Variants in TMEM18 observed in about 807,000 individuals in gnomAD.
TMEM18 encodes transmembrane protein 18.
A neutral mutation model predicts 17.4 loss-of-function variants in TMEM18; 14 were observed. That is an observed-to-expected ratio of 0.80 (90% CI 0.53 to 1.25). The LOEUF is 1.25. Among genes scored for constraint, TMEM18 ranks in the 50% most tolerant of loss-of-function variants. TMEM18 has a pLI of 0.00. For synonymous variants in TMEM18, 86 were observed against 66.1 expected (o/e 1.30, Z -1.46); for missense variants, 187 against 172.1 (o/e 1.09, Z -0.48).
chr2:677,375 C>G lies in TMEM18; in HGVS notation c.-30G>C. 1 of 1,607,484 alleles carries G rather than the reference C, an allele frequency of 6.2e-7. No homozygotes were observed. The highest frequency in any genetic ancestry group is 8.5e-7 in the Non-Finnish European group (1 of 1,178,188). The stretch of plus-strand genomic sequence containing the variant: ...TTGGGAAGCCCGCTCTCACAGCAAC[C>G]GCCGAACCCGGCCTGGCCAGAATCC... On this transcript the variant is annotated 5_prime_UTR_variant, in exon 1 of 5. Transcript: ENST00000281017.
intron 2 of TMEM18, 146 bp from the exon 3 acceptor site, chr2:673,008 G>C: frequency 1.3e-6 from 1 of 758,544 alleles, no homozygotes; most frequent in Non-Finnish European, 2.0e-6. Context: ...ACATTGTCAA[G>C]TCGTAGGACT....
rs117221352 is a variant in TMEM18 at position 672,457 on chromosome 2, C to A, written c.233+351G>T. The stretch of plus-strand genomic sequence containing the variant: ...GTCCAGACTCCCCATGGAGCAGCCA[C>A]CCTGCAGTCCAAGGGGGAGGGCATG... On this transcript the variant is annotated intron_variant, in intron 3 of 4. Transcript: ENST00000281017. Among the ~76,000 whole-genome samples, 59 of 152,320 alleles carry A rather than the reference C, an allele frequency of 3.9e-4. 1 individual carries two copies. The East Asian group carries it at 0.011, about 29-fold the overall frequency.
intron 3 of TMEM18, among the ~76,000 whole-genome samples, chr2:671,261 G>A (rs1295038061): frequency 2.0e-5 from 3 of 152,206 alleles, no homozygotes; most frequent in African/African-American, 7.2e-5. Context: ...CCAGAAAGGT[G>A]CTGCACCCTG....
At position 667,006 on chromosome 2, in the gene TMEM18, C is replaced by T. The variant is rs796873613; in HGVS notation, c.*2574G>A. Among the ~76,000 whole-genome samples, 4 of 112,734 alleles carry T rather than the reference C, an allele frequency of 3.5e-5. No individual in the cohort carries two copies. Among genetic ancestry groups the T allele is most frequent in the African/African-American group, 1.3e-4 (4 of 30,442 alleles). 74.0% of individuals were successfully genotyped at this position (112,734 alleles called of 152,430 possible). A position where few individuals can be genotyped will look rare whatever the true frequency, so the allele number is the denominator to read the frequency against. The stretch of plus-strand genomic sequence containing the variant: ...TGAAGCTCCTTACCCTGAATTCCAC[C>T]CCCAGCCCTTTTTTTTTTTTTTTAA... On this transcript the variant is annotated 3_prime_UTR_variant, in exon 5 of 5. Transcript: ENST00000281017.
rs1003632656 is a variant in TMEM18 at position 665,794 on chromosome 2, C to T, written c.*3786G>A. ...ACAACAGGACCCAGAGATGCAGATG[C>T]CCCACTCACTCAGATGCAGCATCAA... On this transcript the variant is annotated 3_prime_UTR_variant, in exon 5 of 5. Coordinates refer to ENST00000281017, the MANE Select transcript of TMEM18 (RefSeq NM_152834.4). Among the ~76,000 whole-genome samples the T allele has an allele frequency of 7.2e-5, 11 of 151,882 alleles. No individual in the cohort carries two copies. The East Asian group carries it at 1.8e-3, about 24-fold the overall frequency.
Position 666,820 on chromosome 2 carries a change from C to T in TMEM18, c.*2760G>A, listed in dbSNP as rs1678704445. Among the ~76,000 whole-genome samples the T allele has an allele frequency of 6.6e-6, 1 of 152,116 alleles. No individual in the cohort carries two copies. Among genetic ancestry groups the T allele is most frequent in the Admixed American group, 6.5e-5 (1 of 15,280 alleles). On this transcript the variant is annotated 3_prime_UTR_variant, in exon 5 of 5. Transcript: ENST00000281017. ...AAAGAGGGGAAGGCTGCACTGAAAACATGTTCTGGTTAACTTGGTGAAAGA... is the reference window on the plus strand; with the variant it reads ...AAAGAGGGGAAGGCTGCACTGAAAATATGTTCTGGTTAACTTGGTGAAAGA...
intron 2 of TMEM18, 32 bp downstream of exon 2, chr2:675,478 C>A: frequency 6.2e-7 from 1 of 1,613,986 alleles, no homozygotes; most frequent in Non-Finnish European, 8.5e-7. Flanking sequence ...ACACAGTGAT[C>A]TGAGTTGTGG....
chr2:676,905 C>A, intron 1 of TMEM18: 1 of 574,186 alleles, frequency 1.7e-6, no homozygotes, highest in South Asian at 2.1e-5. Flanking sequence ...CAGCCACGCC[C>A]GCACGGTGCA....
At chr2:672,124 A>G (rs1436662885) in intron 3 of TMEM18, among the ~76,000 whole-genome samples, 1 of 152,204 alleles carries the variant, frequency 6.6e-6, no homozygotes, top group Non-Finnish European at 1.5e-5. Context: ...CCACAAGGCC[A>G]CAGTCTCAGC....
chr2:677,175 G>C (rs1369814876), intron 1 of TMEM18, 114 bp downstream of exon 1: 1 of 1,375,076 alleles, frequency 7.3e-7, no homozygotes, highest in Admixed American at 2.0e-5. Context: ...TCCGCCACAA[G>C]GCCCCGCCCA....
In TMEM18 at chr2:663,887, A is replaced by C. The variant is rs558794679; in HGVS notation, c.*5693T>G. Among the ~76,000 whole-genome samples the C allele has an allele frequency of 6.6e-6, 1 of 152,342 alleles. No individual in the cohort carries two copies. Among genetic ancestry groups the C allele is most frequent in the Non-Finnish European group, 1.5e-5 (1 of 68,038 alleles). The stretch of plus-strand genomic sequence containing the variant: ...ACTTACAGAGAAGAATTTAAAGAGC[A>C]AAAAAGCCAACATGAGTAACTTTAT... On this transcript the variant is annotated 3_prime_UTR_variant, in exon 5 of 5. Transcript: ENST00000281017.
At chr2:675,732 C>T (rs536235717) in intron 1 of TMEM18, 102 bp from the exon 2 acceptor site, 1 of 1,541,694 alleles carries the variant, frequency 6.5e-7, no homozygotes, top group Non-Finnish European at 8.7e-7. Context: ...GGGCCTCTCA[C>T]TCCTGAGTCC....
intron 1 of TMEM18, chr2:676,738 C>T: frequency 1.7e-6 from 2 of 1,178,662 alleles, no homozygotes; most frequent in Admixed American, 2.3e-5. Flanking sequence ...AGCGTTCCTC[C>T]GTGCCACCCC....
rs1022080126 is a variant in TMEM18 at position 667,930 on chromosome 2, G to A, written c.*1650C>T. The A allele has an allele frequency of 6.6e-6, 1 of 152,160 alleles. No individual in the cohort carries two copies. Among genetic ancestry groups the A allele is most frequent in the Non-Finnish European group, 1.5e-5 (1 of 68,034 alleles). 9.4% of individuals were successfully genotyped at this position (152,160 alleles called of 1,614,324 possible). A position where few individuals can be genotyped will look rare whatever the true frequency, so the allele number is the denominator to read the frequency against. ...CAAATAACATATAGATGTTTAATTA[G>A]TCTGTTCTCACACTGCTATAAAGAT... On this transcript the variant is annotated 3_prime_UTR_variant, in exon 5 of 5. Coordinates refer to ENST00000281017, the MANE Select transcript of TMEM18 (RefSeq NM_152834.4).
chr2:672,462 C>T (rs1325530811), intron 3 of TMEM18, among the ~76,000 whole-genome samples: 2 of 152,192 alleles, frequency 1.3e-5, no homozygotes, highest in East Asian at 3.9e-4. Context: ...AGCCACCCTG[C>T]AGTCCAAGGG....
In TMEM18 at chr2:665,474, C is replaced by T. The variant is rs982555183; in HGVS notation, c.*4106G>A. Among the ~76,000 whole-genome samples, 4 of 149,810 alleles carry T rather than the reference C, an allele frequency of 2.7e-5. No individual in the cohort carries two copies. The highest frequency in any genetic ancestry group is 7.2e-3 in the Middle Eastern group (2 of 278). ...TCCACTCACTCAGATAGAGAATCAA[C>T]TCCACATACAACAGGACCCAGAGAT... On this transcript the variant is annotated 3_prime_UTR_variant, in exon 5 of 5. Transcript: ENST00000281017.
At chr2:673,624 G>C (rs1351921208) in intron 2 of TMEM18, among the ~76,000 whole-genome samples, 1 of 152,106 alleles carries the variant, frequency 6.6e-6, no homozygotes, top group Non-Finnish European at 1.5e-5. Context: ...TCAGAAAGCA[G>C]ATTAAACTAG....
In TMEM18 at chr2:675,549, G is replaced by C. The variant is rs368206431; in HGVS notation, c.139C>G (p.Arg47Gly). The change falls in exon 2 of 5, where the codon CGA becomes GGA. Residue 47 changes from arginine to glycine, a missense_variant. Arg to Gly is a moderately radical substitution (Grantham distance 125, BLOSUM62 -2). Transcript: ENST00000281017. Reference protein sequence around the residue: ...LCVLLTCLSSRSYRLQIGHFL... With the variant: ...LCVLLTCLSSGSYRLQIGHFL... ...TGCCCGATCTGTAGTCTGTAGCTTC[G>C]GGAGGACAAGCAGGTGAGGAGCACG... 2 of 1,614,088 alleles carry C rather than the reference G, an allele frequency of 1.2e-6. No individual in the cohort carries two copies. Among genetic ancestry groups the C allele is most frequent in the African/African-American group, 1.3e-5 (1 of 74,936 alleles).
rs1678726186 is a variant in TMEM18 at position 667,551 on chromosome 2, A to C, written c.*2029T>G. 1.3e-5 allele frequency: 2 copies of C among 152,222 alleles called. No homozygotes were observed. The highest frequency in any genetic ancestry group is 4.8e-5 in the African/African-American group (2 of 41,452). The allele number at this position is 152,222 out of a possible 1,614,324, so 9.4% of individuals were successfully genotyped here. ...TGCTCTGTGCAACCCCCAGTGCTTT[A>C]AAGTGGGATTGCACCTGTGCTTTCG... On this transcript the variant is annotated 3_prime_UTR_variant, in exon 5 of 5. Coordinates refer to ENST00000281017, the MANE Select transcript of TMEM18 (RefSeq NM_152834.4).
Sources: gnomAD v4.1 joint callset for allele counts (sites outside exome capture counted in the v4.1 genomes callset) on GRCh38, gnomAD v4.1.1 for gene constraint, MANE v1.5 for transcripts, NCBI Gene and HGNC (gene_info 2026-07-23, HGNC 2026-07-21) for gene names.